LRRC37A2: variants seen among roughly 807,000 people sequenced by gnomAD.
LRRC37A2 encodes the protein leucine rich repeat containing 37 member A2, also known as leucine-rich repeat-containing protein 37A2.
LRRC37A2 carries 9 observed loss-of-function variants against 68.8 expected under a neutral mutation model. That is an observed-to-expected ratio of 0.13 (90% CI 0.08 to 0.23). LRRC37A2 has a LOEUF of 0.23. LRRC37A2 is among the 10% of genes least tolerant of loss of function. The pLI is 1.00. For synonymous variants in LRRC37A2, 63 were observed against 367.6 expected, an observed-to-expected ratio of 0.17 and a Z score of 9.48; for missense variants, 168 against 950.4, an observed-to-expected ratio of 0.18 and a Z score of 10.82.
the LRRC37A2 span, chr17:46,755,989 A>G: frequency 3.2e-6 from 2 of 630,754 alleles, no homozygotes; most frequent in Non-Finnish European, 5.4e-6. Flanking sequence ...TTCCTTATGC[A>G]TACTGAGATA....
At chr17:46,878,940 C>T in the LRRC37A2 span, among the ~76,000 whole-genome samples, 1 of 152,286 alleles carries the variant, frequency 6.6e-6, no homozygotes, top group South Asian at 2.1e-4. Context: ...CTCTCCCTCT[C>T]TTCTTCCTTG....
At chr17:46,532,105 A>T (rs2053736693) in intron 6 of LRRC37A2, among the ~76,000 whole-genome samples, 1 of 150,282 alleles carries the variant, frequency 6.7e-6, no homozygotes, top group Admixed American at 6.6e-5. Flanking sequence ...CAGCACGTTT[A>T]TCAGGCTGCT....
chr17:46,834,531 C>T, the LRRC37A2 span, among the ~76,000 whole-genome samples: 1 of 152,204 alleles, frequency 6.6e-6, no homozygotes, highest in African/African-American at 2.4e-5. Flanking sequence ...GCTCCTCTCG[C>T]TGGCTTGCCC....
chr17:46,999,184 G>A, the LRRC37A2 span, among the ~76,000 whole-genome samples: 3 of 152,242 alleles, frequency 2.0e-5, no homozygotes, highest in South Asian at 6.2e-4. Flanking sequence ...CCACACGTTA[G>A]TGTCAAATCT....
chr17:46,406,029 A>G, the LRRC37A2 span, among the ~76,000 whole-genome samples: 1 of 116,584 alleles, frequency 8.6e-6, no homozygotes, highest in Non-Finnish European at 1.8e-5. Flanking sequence ...GATCTCTTAT[A>G]AAAAGATACT....
At chr17:46,930,849 T>C in the LRRC37A2 span, 1 of 447,402 alleles carries the variant, frequency 2.2e-6, no homozygotes, top group Non-Finnish European at 4.0e-6. Context: ...TTTCTACAGA[T>C]TTACCTTCAG....
the LRRC37A2 span, among the ~76,000 whole-genome samples, chr17:46,659,794 A>C: frequency 1.4e-5 from 2 of 145,582 alleles, no homozygotes; most frequent in East Asian, 2.1e-4. Context: ...TTAAACTTTC[A>C]GCATACTTTG....
At chr17:46,458,875 A>C in the LRRC37A2 span, among the ~76,000 whole-genome samples, 1 of 101,824 alleles carries the variant, frequency 9.8e-6, no homozygotes. Flanking sequence ...ATCCTTGTTC[A>C]TGCTGGTTTA....
the LRRC37A2 span, chr17:46,876,692 G>T: frequency 6.4e-7 from 1 of 1,568,418 alleles, no homozygotes; most frequent in Non-Finnish European, 8.7e-7. Context: ...TGTGCAGGAG[G>T]AGCTTGTGTA....
chr17:47,004,416 A>T, the LRRC37A2 span, among the ~76,000 whole-genome samples: 3 of 152,224 alleles, frequency 2.0e-5, no homozygotes, highest in African/African-American at 7.2e-5. Flanking sequence ...CACAGCACAG[A>T]CATATGCTCC....
the LRRC37A2 span, chr17:46,876,484 C>T: frequency 6.2e-7 from 1 of 1,613,664 alleles, no homozygotes; most frequent in Middle Eastern, 1.6e-4. Context: ...GGTCTGGGGA[C>T]CTGGTGTACA....
the LRRC37A2 span, among the ~76,000 whole-genome samples, chr17:46,899,290 G>C: frequency 6.6e-6 from 1 of 152,082 alleles, no homozygotes; most frequent in Non-Finnish European, 1.5e-5. Flanking sequence ...TGTGGTCCCA[G>C]ATACTTAGGA....
At chr17:46,883,397 G>GAAC in the LRRC37A2 span, among the ~76,000 whole-genome samples, 1 of 150,962 alleles carries the variant, frequency 6.6e-6, no homozygotes, top group African/African-American at 2.4e-5. Context: ...TGAGTCTCCT[G>GAAC]CCTCAGCCTA....
At chr17:46,460,290 G>T in the LRRC37A2 span, among the ~76,000 whole-genome samples, 1 of 105,338 alleles carries the variant, frequency 9.5e-6, no homozygotes, top group Non-Finnish European at 2.1e-5. Context: ...TCTCACTGGG[G>T]CTGCAGATCA....
At chr17:46,950,277 G>A in the LRRC37A2 span, among the ~76,000 whole-genome samples, 13 of 152,324 alleles carry the variant, frequency 8.5e-5, no homozygotes, top group African/African-American at 3.1e-4. Context: ...CTGGTCCCCA[G>A]AGAGTGTGGA....
the LRRC37A2 span, chr17:46,755,669 A>G: frequency 1.0e-6 from 1 of 989,662 alleles, no homozygotes. Flanking sequence ...GTGCTCATCT[A>G]ATAGCAAATG....
At chr17:46,724,422 T>TA in the LRRC37A2 span, among the ~76,000 whole-genome samples, 1 of 152,200 alleles carries the variant, frequency 6.6e-6, no homozygotes, top group African/African-American at 2.4e-5. Flanking sequence ...GGCCCCGCCT[T>TA]ACATCTGATT....
At chr17:46,919,391 G>A in the LRRC37A2 span, among the ~76,000 whole-genome samples, 10 of 152,202 alleles carry the variant, frequency 6.6e-5, no homozygotes. Context: ...GCTGGAGAGT[G>A]GCATTTTCTT....
chr17:46,856,488 CTT>C, the LRRC37A2 span, among the ~76,000 whole-genome samples: 19 of 143,012 alleles, frequency 1.3e-4, no homozygotes, highest in South Asian at 2.2e-4. Context: ...CTTTTTCTTT[CTT>C]TTTTTTTTTT....
Sources: gnomAD v4.1 joint callset for allele counts (sites outside exome capture counted in the v4.1 genomes callset) on GRCh38, gnomAD v4.1.1 for gene constraint, MANE v1.5 for transcripts, NCBI Gene and HGNC (gene_info 2026-07-23, HGNC 2026-07-21) for gene names.